The following PKP4 variants were observed in gnomAD, a reference collection of about 807,000 sequenced individuals.
PKP4 encodes plakophilin 4, also known as plakophilin-4.
Under a neutral mutation model 145.1 loss-of-function variants are expected in PKP4, and 90 were observed. The ratio of observed to expected loss-of-function variants is 0.62; its 90% CI spans 0.52 to 0.74. The LOEUF is 0.74. Among genes scored for constraint, PKP4 ranks in the 30% least tolerant of loss-of-function variants. The pLI is 0.00. For missense variants in PKP4, 1,340 were observed against 1,482.7 expected, an observed-to-expected ratio of 0.90 and a Z score of 1.58; for synonymous variants, 563 against 577.2, an observed-to-expected ratio of 0.98 and a Z score of 0.35.
intron 8 of PKP4, among the ~76,000 whole-genome samples, chr2:158,633,173 A>G (rs975889591): frequency 1.3e-5 from 2 of 152,266 alleles, no homozygotes; most frequent in African/African-American, 4.8e-5. Flanking sequence ...AATACGTTCC[A>G]AAACCATCAG....
chr2:158,506,008 C>T (rs989928126), intron 1 of PKP4, among the ~76,000 whole-genome samples: 2 of 152,156 alleles, frequency 1.3e-5, no homozygotes, highest in African/African-American at 4.8e-5. Flanking sequence ...TAAGCCTGAA[C>T]TTTTTCCCTC....
At chr2:158,566,264 C>G (rs1574515220) in intron 2 of PKP4, among the ~76,000 whole-genome samples, 1 of 152,030 alleles carries the variant, frequency 6.6e-6, no homozygotes, top group Non-Finnish European at 1.5e-5. Flanking sequence ...GTTTATTTAG[C>G]CTTGTTGTTT....
intron 1 of PKP4, among the ~76,000 whole-genome samples, chr2:158,504,854 C>T (rs1419611858): frequency 2.0e-5 from 3 of 152,210 alleles, no homozygotes; most frequent in African/African-American, 7.2e-5. Flanking sequence ...TTTAGTGCTT[C>T]ATTTTCCAAC....
intron 1 of PKP4, among the ~76,000 whole-genome samples, chr2:158,498,814 GTTT>G (rs34272669): frequency 7.6e-5 from 10 of 131,146 alleles, no homozygotes; most frequent in Admixed American, 2.3e-4. Context: ...GGTTGTGAGT[GTTT>G]TTTTTTTTTT....
chr2:158,639,223 T>C (rs1308566173), intron 9 of PKP4, among the ~76,000 whole-genome samples: 1 of 152,258 alleles, frequency 6.6e-6, no homozygotes, highest in African/African-American at 2.4e-5. Context: ...AACTTTTTAG[T>C]TTGGCAGAGA....
chr2:158,472,021 A>T (rs1164120191), intron 1 of PKP4, among the ~76,000 whole-genome samples: 1 of 152,236 alleles, frequency 6.6e-6, no homozygotes, highest in Admixed American at 6.5e-5. Flanking sequence ...ACTGAAAGTG[A>T]ATCAATAGGA....
At chr2:158,499,276 C>G (rs1457502776) in intron 1 of PKP4, among the ~76,000 whole-genome samples, 1 of 151,950 alleles carries the variant, frequency 6.6e-6, no homozygotes, top group Non-Finnish European at 1.5e-5. Context: ...GATACATTAC[C>G]TGAGGGTGCA....
At chr2:158,458,989 G>T (rs1447569119) in intron 1 of PKP4, among the ~76,000 whole-genome samples, 4 of 151,938 alleles carry the variant, frequency 2.6e-5, no homozygotes, top group African/African-American at 9.7e-5. Context: ...AATTATTTAC[G>T]TGTAAAATCA....
At chr2:158,491,225 C>T (rs750924176) in intron 1 of PKP4, among the ~76,000 whole-genome samples, 3 of 152,148 alleles carry the variant, frequency 2.0e-5, no homozygotes, top group African/African-American at 7.2e-5. Context: ...AAAAGGGGTG[C>T]GTGATCCCTT....
intron 1 of PKP4, among the ~76,000 whole-genome samples, chr2:158,476,141 A>G (rs1263706248): frequency 6.6e-6 from 1 of 152,230 alleles, no homozygotes; most frequent in Admixed American, 6.5e-5. Flanking sequence ...AGATGCAATC[A>G]GGAAATCATT....
At chr2:158,584,168 C>A (rs2048596138) in intron 3 of PKP4, among the ~76,000 whole-genome samples, 1 of 152,236 alleles carries the variant, frequency 6.6e-6, no homozygotes, top group African/African-American at 2.4e-5. Flanking sequence ...AACCGAGGGT[C>A]TGTGGCCCTG....
At position 158,670,439 on chromosome 2, in the gene PKP4, C is replaced by T. The variant is rs2057456893; in HGVS notation, c.2924+524C>T. ...TCATGATCTAATCACCTCTCAAAGG[C>T]TCCACCTCCTAATACCATCACCTTG... is the stretch of plus-strand genomic sequence containing the variant. On this transcript the variant is annotated intron_variant, in intron 17 of 21. Transcript: ENST00000389759. Among the ~76,000 whole-genome samples the T allele has an allele frequency of 2.6e-5, 4 of 152,184 alleles. 1 individual carries two copies. In the South Asian group the frequency reaches 8.3e-4, roughly 32 times the overall value.
At chr2:158,562,363 C>G (rs2046605891) in intron 2 of PKP4, among the ~76,000 whole-genome samples, 1 of 152,138 alleles carries the variant, frequency 6.6e-6, no homozygotes, top group African/African-American at 2.4e-5. Flanking sequence ...GGACATTATG[C>G]TAAGTGAAAT....
intron 2 of PKP4, among the ~76,000 whole-genome samples, chr2:158,538,534 CT>C (rs11346852): frequency 0.14 from 15,597 of 110,100 alleles, 387 homozygotes; most frequent in Middle Eastern, 0.25. Context: ...TCTCTAACCA[CT>C]TTTTTTTTTT....
chr2:158,508,885 C>CTTT (rs1053612047), intron 1 of PKP4, among the ~76,000 whole-genome samples: 2 of 152,132 alleles, frequency 1.3e-5, no homozygotes, highest in Non-Finnish European at 2.9e-5. Context: ...CATGTGTTCT[C>CTTT]TTTCTTTGCA....
At chr2:158,510,342 A>T (rs746255628) in intron 1 of PKP4, among the ~76,000 whole-genome samples, 5 of 152,244 alleles carry the variant, frequency 3.3e-5, no homozygotes, top group Non-Finnish European at 2.9e-5. Context: ...GCCTCAGAAC[A>T]TGTGTTAGAC....
intron 7 of PKP4, among the ~76,000 whole-genome samples, chr2:158,631,087 G>A (rs2053311277): frequency 6.6e-6 from 1 of 151,798 alleles, no homozygotes; most frequent in Non-Finnish European, 1.5e-5. Context: ...ATAGGCTCCC[G>A]CCACCACGCC....
intron 6 of PKP4, among the ~76,000 whole-genome samples, chr2:158,623,511 T>G (rs2052462530): frequency 6.6e-6 from 1 of 152,124 alleles, no homozygotes; most frequent in South Asian, 2.1e-4. Flanking sequence ...TTTCCAGCTG[T>G]CTACTAATTT....
chr2:158,525,986 T>C (rs1047377227), intron 1 of PKP4, among the ~76,000 whole-genome samples: 11 of 151,314 alleles, frequency 7.3e-5, no homozygotes, highest in African/African-American at 2.7e-4. Context: ...ATTGTGGCAA[T>C]AATCAATAGT....
Sources: gnomAD v4.1 joint callset for allele counts (sites outside exome capture counted in the v4.1 genomes callset) on GRCh38, gnomAD v4.1.1 for gene constraint, MANE v1.5 for transcripts, NCBI Gene and HGNC (gene_info 2026-07-23, HGNC 2026-07-21) for gene names.